FAM227A: variants seen among roughly 807,000 people sequenced by gnomAD.
The protein encoded by FAM227A is protein FAM227A.
FAM227A carries 80 observed loss-of-function variants against 74.7 expected under a neutral mutation model. That is an observed-to-expected ratio of 1.07 (90% CI 0.89 to 1.29). The LOEUF (loss-of-function observed/expected upper bound fraction) is 1.29. FAM227A is among the 50% of genes most tolerant of loss of function. The pLI, the probability that FAM227A is intolerant of heterozygous loss-of-function variation, is 0.00. For synonymous variants in FAM227A, 237 were observed against 241.8 expected, an observed-to-expected ratio of 0.98 and a Z score of 0.19; for missense variants, 654 against 683.4, an observed-to-expected ratio of 0.96 and a Z score of 0.48.
chr22:38,589,465 T>C (rs777972971), intron 16 of FAM227A, among the ~76,000 whole-genome samples: 4 of 151,956 alleles, frequency 2.6e-5, no homozygotes, highest in East Asian at 1.9e-4. Flanking sequence ...GTTCCAGAAA[T>C]AGCAAAGAAA....
chr22:38,636,588 C>T lies in FAM227A; in HGVS notation c.382G>A (p.Asp128Asn). Reference protein sequence around the residue: ...RSSVIKRKTADKNLLAELYQY... With the variant: ...RSSVIKRKTANKNLLAELYQY... ...TACAGCTCTGCCAGCAGATTTTTAT[C>T]TGCTGTTTTCTGAAGCAAAAGAGCA... Residue 128 changes from aspartate to asparagine, a missense_variant, in exon 6 of 17, where the codon GAT becomes AAT. Asp to Asn is a conservative substitution (Grantham distance 23, BLOSUM62 1). Transcript: ENST00000535113. 6.4e-7 allele frequency: 1 copy of T among 1,550,788 alleles called. No individual in the cohort carries two copies.
At chr22:38,624,030 T>C (rs2091746216) in intron 9 of FAM227A, among the ~76,000 whole-genome samples, 1 of 151,976 alleles carries the variant, frequency 6.6e-6, no homozygotes, top group South Asian at 2.1e-4. Context: ...AACAGCAAGG[T>C]GCAACGGCAA....
Position 38,648,873 on chromosome 22 carries a change from G to A in FAM227A, c.142+1154C>T, listed in dbSNP as rs970487235. ...CTGTAATCTCGGCTACTTGGGGGCT[G>A]AGGCAGAAGAATCCCTTGAACCTGG... On this transcript the variant is annotated intron_variant, in intron 2 of 16. Transcript: ENST00000535113. Among the ~76,000 whole-genome samples the A allele has an allele frequency of 2.0e-5, 3 of 151,392 alleles. No homozygotes were observed. In the East Asian group the frequency reaches 5.9e-4, roughly 30 times the overall value.
chr22:38,621,622 C>T (rs1328674486), intron 10 of FAM227A, among the ~76,000 whole-genome samples: 1 of 152,014 alleles, frequency 6.6e-6, no homozygotes, highest in Admixed American at 6.6e-5. Context: ...AGTGTCTGGC[C>T]CTGAATAAGT....
intron 11 of FAM227A, among the ~76,000 whole-genome samples, chr22:38,612,720 G>A (rs886531212): frequency 1.3e-5 from 2 of 152,060 alleles, no homozygotes; most frequent in Non-Finnish European, 2.9e-5. Flanking sequence ...AGTTTTTGGA[G>A]AGACTGTTGA....
chr22:38,640,322 C>T (rs2092088339), intron 3 of FAM227A, among the ~76,000 whole-genome samples: 2 of 152,160 alleles, frequency 1.3e-5, no homozygotes, highest in East Asian at 1.9e-4. Flanking sequence ...TGTGAGCCAC[C>T]ACGTCCAGCC....
chr22:38,625,132 G>C (rs758423622), intron 9 of FAM227A, among the ~76,000 whole-genome samples: 20 of 152,150 alleles, frequency 1.3e-4, no homozygotes, highest in Non-Finnish European at 2.6e-4. Context: ...GCTCACGCCT[G>C]TAATCCCAGC....
chr22:38,645,064 C>T (rs1046981313), intron 3 of FAM227A, among the ~76,000 whole-genome samples: 6 of 148,856 alleles, frequency 4.0e-5, no homozygotes, highest in Non-Finnish European at 5.9e-5. Flanking sequence ...TCCAGTCTGG[C>T]GACAGAGCAA....
At chr22:38,620,594 G>T (rs909253853) in intron 10 of FAM227A, among the ~76,000 whole-genome samples, 6 of 151,816 alleles carry the variant, frequency 4.0e-5, no homozygotes, top group Non-Finnish European at 5.9e-5. Context: ...ACGAGGTCAG[G>T]AGATCGAGAC....
Position 38,605,267 on chromosome 22 carries a change from A to G in FAM227A, c.1208T>C (p.Met403Thr). The G allele has an allele frequency of 6.5e-7, 1 of 1,545,630 alleles. No homozygotes were observed. Among genetic ancestry groups the G allele is most frequent in the South Asian group, 1.2e-5 (1 of 83,924 alleles). ...RISEARECENMFPKKSCAACK... is the reference protein window; with the variant it reads ...RISEARECENTFPKKSCAACK... The stretch of plus-strand genomic sequence containing the variant: ...TCATGTGCTCACCTTTTTAGGAAAC[A>G]TATTCTCACATTCTCTTGCTTCTGA... The change falls in exon 13 of 17, where the codon ATG (methionine) becomes ACG (threonine). Residue 403 changes from methionine (M) to threonine (T), a missense_variant. Physicochemically the swap from Met to Thr is moderately conservative, Grantham distance 81 (BLOSUM62 -1). Transcript: ENST00000535113.
At chr22:38,654,074 C>A (rs757994633) in intron 1 of FAM227A, among the ~76,000 whole-genome samples, 1 of 152,060 alleles carries the variant, frequency 6.6e-6, no homozygotes, top group African/African-American at 2.4e-5. Context: ...CAGGGCCGGG[C>A]GCGGTGGCTC....
At chr22:38,603,695 G>A (rs944288188) in intron 13 of FAM227A, among the ~76,000 whole-genome samples, 5 of 152,058 alleles carry the variant, frequency 3.3e-5, no homozygotes, top group African/African-American at 1.2e-4. Flanking sequence ...GGACAGACAA[G>A]GAGCTTAGTG....
chr22:38,654,849 G>T (rs796306709), intron 1 of FAM227A, among the ~76,000 whole-genome samples: 2 of 151,532 alleles, frequency 1.3e-5, no homozygotes, highest in African/African-American at 4.8e-5. Context: ...TCGAGAGGCT[G>T]AGGCAGGACA....
chr22:38,619,604 G>T (rs902571810), intron 11 of FAM227A, among the ~76,000 whole-genome samples: 3 of 152,194 alleles, frequency 2.0e-5, no homozygotes, highest in Non-Finnish European at 4.4e-5. Flanking sequence ...GATTATAGGC[G>T]TGAGTCACTG....
At chr22:38,604,968 T>C (rs1356682829) in intron 13 of FAM227A, among the ~76,000 whole-genome samples, 2 of 152,120 alleles carry the variant, frequency 1.3e-5, no homozygotes, top group Non-Finnish European at 2.9e-5. Context: ...TTTTTTATTA[T>C]TGTTATTCAT....
At chr22:38,638,860 C>T (rs2092055667) in intron 4 of FAM227A, 38 bp from the exon 5 acceptor site, 3 of 1,379,606 alleles carry the variant, frequency 2.2e-6, no homozygotes, top group East Asian at 5.0e-5. Context: ...TGAGTAACCA[C>T]AGGGTCTGTC....
intron 11 of FAM227A, among the ~76,000 whole-genome samples, chr22:38,619,838 G>A (rs572848674): frequency 3.3e-5 from 5 of 152,268 alleles, no homozygotes; most frequent in African/African-American, 1.2e-4. Context: ...ACATCAGAAG[G>A]AACATCAATA....
chr22:38,590,161 C>T (rs1473985602), intron 16 of FAM227A, among the ~76,000 whole-genome samples: 3 of 151,618 alleles, frequency 2.0e-5, no homozygotes, highest in South Asian at 2.1e-4. Context: ...CGCCTGTAGT[C>T]CCAGCTACTC....
At chr22:38,600,343 T>A (rs2091145685) in intron 13 of FAM227A, among the ~76,000 whole-genome samples, 1 of 151,402 alleles carries the variant, frequency 6.6e-6, no homozygotes, top group African/African-American at 2.4e-5. Flanking sequence ...TAATTTTATT[T>A]TATTTTTGAG....
Sources: gnomAD v4.1 joint callset for allele counts (sites outside exome capture counted in the v4.1 genomes callset) on GRCh38, gnomAD v4.1.1 for gene constraint, MANE v1.5 for transcripts, NCBI Gene and HGNC (gene_info 2026-07-23, HGNC 2026-07-21) for gene names.